Variants in CCDC6 observed in about 807,000 individuals in gnomAD.
The protein encoded by CCDC6 is coiled-coil domain containing 6.
Under a neutral mutation model 56.6 loss-of-function variants are expected in CCDC6, and 20 were observed. The ratio of observed to expected loss-of-function variants is 0.35; its 90% CI spans 0.25 to 0.51. CCDC6 has a LOEUF of 0.51. CCDC6 is among the 20% of genes least tolerant of loss of function. CCDC6 has a pLI of 0.95. For missense variants in CCDC6, 367 were observed against 601.1 expected (o/e 0.61, Z 4.07); for synonymous variants, 241 against 234.4 (o/e 1.03, Z -0.26).
intron 2 of CCDC6, among the ~76,000 whole-genome samples, chr10:59,839,885 G>C (rs1211329760): frequency 6.6e-6 from 1 of 152,100 alleles, no homozygotes; most frequent in East Asian, 1.9e-4. Flanking sequence ...TAGTATAGTG[G>C]CGTGATCTTG....
chr10:59,858,158 G>A (rs2132659900), intron 1 of CCDC6, among the ~76,000 whole-genome samples: 1 of 152,302 alleles, frequency 6.6e-6, no homozygotes, highest in South Asian at 2.1e-4. Flanking sequence ...TGACACAGAG[G>A]ACAAGCCTGC....
chr10:59,825,342 T>C lies in CCDC6; in HGVS notation c.582+7183A>G, dbSNP rs980852470. Among the ~76,000 whole-genome samples the C allele has an allele frequency of 3.4e-4, 52 of 152,232 alleles. 3 individuals are homozygous for C. ...GCTTTTGCGTATTCTTCATTCTCTCTTTGCCTACTGCTGTCCATGTAAGAC... is the reference window on the plus strand; with the variant it reads ...GCTTTTGCGTATTCTTCATTCTCTCCTTGCCTACTGCTGTCCATGTAAGAC... On this transcript the variant is annotated intron_variant, in intron 3 of 8. Coordinates refer to ENST00000263102, the MANE Select transcript of CCDC6 (RefSeq NM_005436.5).
intron 1 of CCDC6, among the ~76,000 whole-genome samples, chr10:59,884,398 A>T (rs778882889): frequency 2.0e-5 from 3 of 152,236 alleles, no homozygotes; most frequent in Non-Finnish European, 4.4e-5. Flanking sequence ...ACATACTCTA[A>T]AAACTGGCAA....
rs755313054 is a variant in CCDC6 at position 59,852,511 on chromosome 10, A to T, written c.453+42T>A. The T allele has an allele frequency of 2.0e-6, 3 of 1,505,314 alleles. No individual in the cohort carries two copies. In the Admixed American group the frequency reaches 7.1e-5, roughly 36 times the overall value. The allele number at this position is 1,505,314 out of a possible 1,614,324, so 93.2% of individuals were successfully genotyped here. On this transcript the variant is annotated intron_variant, in intron 2 of 8. Coordinates refer to ENST00000263102, the MANE Select transcript of CCDC6 (RefSeq NM_005436.5). The stretch of plus-strand genomic sequence containing the variant: ...TCAAAGTCATTTTCTCCTAGAAAGG[A>T]AAATAGGCAGGGAAGATGAGGGAGT...
intron 2 of CCDC6, among the ~76,000 whole-genome samples, chr10:59,838,078 C>T (rs2070900620): frequency 6.6e-6 from 1 of 152,146 alleles, no homozygotes. Flanking sequence ...CAGACTCCCA[C>T]TTCAAACTCA....
At chr10:59,888,743 C>G (rs989219037) in intron 1 of CCDC6, among the ~76,000 whole-genome samples, 4 of 152,148 alleles carry the variant, frequency 2.6e-5, no homozygotes, top group Non-Finnish European at 5.9e-5. Flanking sequence ...CAAACTGAAC[C>G]ATTTATGGTG....
At chr10:59,799,478 C>G (rs2070554718) in intron 7 of CCDC6, among the ~76,000 whole-genome samples, 1 of 152,172 alleles carries the variant, frequency 6.6e-6, no homozygotes, top group Non-Finnish European at 1.5e-5. Flanking sequence ...CATTTGGCTT[C>G]AAACTATATT....
Position 59,790,819 on chromosome 10 carries a change from G to T in CCDC6, c.*2098C>A. ...TTTTAAAAATTCAACATATGGCAAT[G>T]TTTTAATTTTTGTGCTTTCAAGAGG... On this transcript the variant is annotated 3_prime_UTR_variant, in exon 9 of 9. Transcript: ENST00000263102. The T allele has an allele frequency of 4.7e-6, 1 of 213,044 alleles. No individual in the cohort carries two copies. Among genetic ancestry groups the T allele is most frequent in the African/African-American group, 2.3e-5 (1 of 44,298 alleles). The allele number at this position is 213,044 out of a possible 1,614,324, so 13.2% of individuals were successfully genotyped here.
chr10:59,814,624 C>CA, intron 4 of CCDC6, 28 bp downstream of exon 4: 1 of 1,239,324 alleles, frequency 8.1e-7, no homozygotes. Flanking sequence ...ACACACACAC[C>CA]CATACTGAAC....
chr10:59,862,490 G>GA (rs1223111708), intron 1 of CCDC6, among the ~76,000 whole-genome samples: 24 of 66,604 alleles, frequency 3.6e-4, no homozygotes, highest in South Asian at 1.0e-3. Context: ...TCTGTCTCAA[G>GA]AAAAAAAAAA....
At chr10:59,815,393 T>C (rs1359917873) in intron 3 of CCDC6, among the ~76,000 whole-genome samples, 1 of 152,100 alleles carries the variant, frequency 6.6e-6, no homozygotes, top group Non-Finnish European at 1.5e-5. Context: ...GAAGCAAACA[T>C]GGGAAAATTC....
At chr10:59,811,403 A>C (rs1402412405) in intron 5 of CCDC6, among the ~76,000 whole-genome samples, 1 of 152,190 alleles carries the variant, frequency 6.6e-6, no homozygotes, top group Non-Finnish European at 1.5e-5. Flanking sequence ...CTGCACAGGT[A>C]TCAAACACGT....
chr10:59,804,642 T>A (rs1361763878), intron 6 of CCDC6, 122 bp from the exon 7 acceptor site: 2 of 662,672 alleles, frequency 3.0e-6, no homozygotes, highest in African/African-American at 3.6e-5. Context: ...TTTAGAGTGA[T>A]GTTATAGTTA....
Position 59,882,382 on chromosome 10 carries a change from GC to G in CCDC6, c.303+23739del, listed in dbSNP as rs1564756007. On this transcript the variant is annotated intron_variant, in intron 1 of 8. Coordinates refer to ENST00000263102, the MANE Select transcript of CCDC6 (RefSeq NM_005436.5). ...CCGCGGGGAGAAGGAAAGGAAAGCCGCGGGGAGAAGGAAAGGAAAGCCAGGG... is the reference window on the plus strand; with the variant it reads ...CCGCGGGGAGAAGGAAAGGAAAGCCGGGGGAGAAGGAAAGGAAAGCCAGGG... 1.0e-3 allele frequency among the ~76,000 whole-genome samples: 12 copies of G among 11,920 alleles called. 3 individuals are homozygous for G. Among genetic ancestry groups the G allele is most frequent in the Admixed American group, 2.4e-3 (3 of 1,262 alleles). The allele number at this position is 11,920 out of a possible 152,430, so 7.8% of individuals were successfully genotyped here.
intron 5 of CCDC6, among the ~76,000 whole-genome samples, chr10:59,808,898 T>G (rs1253047321): frequency 6.6e-6 from 1 of 152,210 alleles, no homozygotes; most frequent in African/African-American, 2.4e-5. Context: ...TTTTAGAAAT[T>G]CAAATAAAAA....
At chr10:59,866,163 C>T (rs1317010328) in intron 1 of CCDC6, among the ~76,000 whole-genome samples, 1 of 152,240 alleles carries the variant, frequency 6.6e-6, no homozygotes, top group African/African-American at 2.4e-5. Flanking sequence ...GAATGTGACA[C>T]TGCATACGAC....
intron 4 of CCDC6, 71 bp downstream of exon 4, chr10:59,814,579 TCA>T: frequency 2.2e-6 from 2 of 892,788 alleles, no homozygotes; most frequent in Non-Finnish European, 3.7e-6. Context: ...CTGCTATTCC[TCA>T]GTCACACCCA....
chr10:59,866,805 A>G (rs1363987872), intron 1 of CCDC6, among the ~76,000 whole-genome samples: 2 of 152,194 alleles, frequency 1.3e-5, no homozygotes, highest in Non-Finnish European at 2.9e-5. Flanking sequence ...CTGCAGCATC[A>G]TTCTCCAAAA....
chr10:59,803,245 G>C (rs933524178), intron 7 of CCDC6, among the ~76,000 whole-genome samples: 1 of 151,962 alleles, frequency 6.6e-6, no homozygotes, highest in Non-Finnish European at 1.5e-5. Flanking sequence ...CCTGACACCA[G>C]AGAGCACACT....
Sources: gnomAD v4.1 joint callset for allele counts (sites outside exome capture counted in the v4.1 genomes callset) on GRCh38, gnomAD v4.1.1 for gene constraint, MANE v1.5 for transcripts, NCBI Gene and HGNC (gene_info 2026-07-23, HGNC 2026-07-21) for gene names.